Variants in TXNDC2 observed in about 807,000 individuals in gnomAD.
The protein encoded by TXNDC2 is thioredoxin domain containing 2.
A neutral mutation model predicts 0.4 loss-of-function variants in TXNDC2; 1 was observed. The ratio of observed to expected loss-of-function variants is 2.30; its 90% CI spans 0.82 to 10.89. TXNDC2 has a LOEUF of 10.89. Among genes scored for constraint, TXNDC2 ranks in the 30% most tolerant of loss-of-function variants. The pLI, the probability that TXNDC2 is intolerant of heterozygous loss-of-function variation, is 0.12. For missense variants in TXNDC2, 509 were observed against 579.8 expected (o/e 0.88, Z 1.25); for synonymous variants, 183 against 224.6 (o/e 0.81, Z 1.66).
At position 9,887,684 on chromosome 18, in the gene TXNDC2, T is replaced by C. The variant is rs553374563; in HGVS notation, c.1004T>C (p.Ile335Thr). Residue 335 changes from isoleucine to threonine, a missense_variant, in exon 2 of 2, where the codon ATT becomes ACT. This residue lies in a region of TXNDC2 where 229 missense variants were observed against 243.8 expected (regional missense o/e 0.94). Coordinates refer to ENST00000357775, the MANE Select transcript of TXNDC2 (RefSeq NM_032243.6). ...GAGGAAGCCATCCCACCCAAGGAGA[T>C]TGACATCCCCAAGTCCCCAGAAGAA... is the stretch of plus-strand genomic sequence containing the variant. ...SLEEAIPPKE[I>T]DIPKSPEETI... 71 of 1,462,248 alleles carry C rather than the reference T, an allele frequency of 4.9e-5. No individual in the cohort carries two copies. The Admixed American group carries it at 5.8e-4, about 12-fold the overall frequency. The allele number at this position is 1,462,248 out of a possible 1,614,324, so 90.6% of individuals were successfully genotyped here.
In TXNDC2 at chr18:9,887,494, C is replaced by T; in HGVS notation, c.814C>T (p.Pro272Ser). 1 of 1,526,552 alleles carries T rather than the reference C, an allele frequency of 6.6e-7. No individual in the cohort carries two copies. Among genetic ancestry groups the T allele is most frequent in the Non-Finnish European group, 8.9e-7 (1 of 1,128,110 alleles). The allele number at this position is 1,526,552 out of a possible 1,614,324, so 94.6% of individuals were successfully genotyped here. A position where few individuals can be genotyped will look rare whatever the true frequency, so the allele number is the denominator to read the frequency against. The change falls in exon 2 of 2, where the codon CCT (proline) becomes TCT (serine). Residue 272 changes from proline to serine, a missense_variant. By Grantham distance (74) the Pro-to-Ser change is moderately conservative. Coordinates refer to ENST00000357775, the MANE Select transcript of TXNDC2 (RefSeq NM_032243.6). ...IPKSLEEAIQPKEGDIPKSPE... is the reference protein window; with the variant it reads ...IPKSLEEAIQSKEGDIPKSPE... ...CAAGTCCCTAGAGGAAGCCATCCAG[C>T]CTAAGGAGGGTGACATCCCCAAGTC...
rs201169561 is a variant in TXNDC2, at chr18:9,888,687, G to A, written c.*546G>A. 1.3e-5 allele frequency: 2 copies of A among 152,708 alleles called. No homozygotes were observed. Among genetic ancestry groups the A allele is most frequent in the African/African-American group, 4.8e-5 (2 of 41,426 alleles). The allele number at this position is 152,708 out of a possible 1,614,324, so 9.5% of individuals were successfully genotyped here. Reference sequence around the variant, plus strand: ...TTCCAAGATCTGATTTGTTGGTGACGGAAATGAGATCAAGGCCGCTTCCAG... The same window carrying A: ...TTCCAAGATCTGATTTGTTGGTGACAGAAATGAGATCAAGGCCGCTTCCAG... On this transcript the variant is annotated 3_prime_UTR_variant, in exon 2 of 2. Transcript: ENST00000357775.
At position 9,886,516 on chromosome 18, in the gene TXNDC2, AT is replaced by A. The variant is rs1217570820; in HGVS notation, c.-92-70del. 2.3e-6 allele frequency: 3 copies of A among 1,287,662 alleles called. No individual in the cohort carries two copies. In the East Asian group the frequency reaches 7.6e-5, roughly 32 times the overall value. 79.8% of individuals were successfully genotyped at this position (1,287,662 alleles called of 1,614,324 possible). On this transcript the variant is annotated intron_variant, in intron 1 of 1. Coordinates refer to ENST00000357775, the MANE Select transcript of TXNDC2 (RefSeq NM_032243.6). Reference sequence around the variant, plus strand: ...CAGTCTTCCTTGGAATATGAAGAGAATTTCTTTGGTTCTTCTTTTGCATTTC... The same window carrying A: ...CAGTCTTCCTTGGAATATGAAGAGAATTCTTTGGTTCTTCTTTTGCATTTC...
At position 9,887,932 on chromosome 18, in the gene TXNDC2, A is replaced by G; in HGVS notation, c.1252A>G (p.Thr418Ala). ...FSATWCGPCR[T>A]IRPFFHALSV... ...GGCCACGTGGTGTGGGCCCTGCAGG[A>G]CCATCAGACCATTCTTCCATGCCCT... Residue 418 changes from threonine (T) to alanine (A), a missense_variant, in exon 2 of 2, where the codon ACC becomes GCC. Physicochemically the swap from Thr to Ala is moderately conservative, Grantham distance 58. Around this residue, in one of 5 missense-constraint regions of TXNDC2, gnomAD observed 229 missense variants for 243.8 expected, o/e 0.94. Transcript: ENST00000357775. The G allele has an allele frequency of 1.2e-6, 2 of 1,614,200 alleles. No homozygotes were observed. The highest frequency in any genetic ancestry group is 1.7e-6 in the Non-Finnish European group (2 of 1,180,022).
chr18:9,887,939 G>C lies in TXNDC2; in HGVS notation c.1259G>C (p.Arg420Thr), dbSNP rs17805544. 0.13 allele frequency: 202,118 copies of C among 1,614,112 alleles called. 14,869 individuals are homozygous for C. The highest frequency in any genetic ancestry group is 0.15 in the Non-Finnish European group (175,561 of 1,179,960). The part of the protein sequence containing the change: ...ATWCGPCRTI[R>T]PFFHALSVKH... ...TGGTGTGGGCCCTGCAGGACCATCA[G>C]ACCATTCTTCCATGCCCTGTCTGTG... The change falls in exon 2 of 2, where the codon AGA becomes ACA. Residue 420 changes from arginine (R) to threonine (T), a missense_variant. By Grantham distance (71) the Arg-to-Thr change is moderately conservative. Around this residue, in one of 5 missense-constraint regions of TXNDC2, gnomAD observed 229 missense variants for 243.8 expected, o/e 0.94. Coordinates refer to ENST00000357775, the MANE Select transcript of TXNDC2 (RefSeq NM_032243.6).
chr18:9,886,551 T>G (rs752983880), intron 1 of TXNDC2, 38 bp from the exon 2 acceptor site: 1 of 1,358,594 alleles, frequency 7.4e-7, no homozygotes, highest in Non-Finnish European at 1.0e-6. Flanking sequence ...TCTATTTGAT[T>G]TATTTTATTT....
intron 1 of TXNDC2, 109 bp from the exon 2 acceptor site, chr18:9,886,480 A>T: frequency 2.8e-6 from 3 of 1,067,598 alleles, no homozygotes; most frequent in Non-Finnish European, 4.0e-6. Flanking sequence ...CGTGATCTCG[A>T]AGAGTGACAT....
In TXNDC2 at chr18:9,886,692, C is replaced by G; in HGVS notation, c.12C>G (p.His4Gln). The change falls in exon 2 of 2, where the codon CAC becomes CAG. Residue 4 changes from histidine to glutamine, a missense_variant. This residue lies in a region of TXNDC2 where 187 missense variants were observed against 218.0 expected (regional missense o/e 0.86). Transcript: ENST00000357775. The part of the protein sequence containing the change: MVS[H>Q]TFHMRTEESD... ...AGGCCTTTCTCCCCATGGTCAGCCA[C>G]ACGTTCCACATGCGCACAGAGGAGT... 6.2e-7 allele frequency: 1 copy of G among 1,614,158 alleles called. No individual in the cohort carries two copies. Among genetic ancestry groups the G allele is most frequent in the Non-Finnish European group, 8.5e-7 (1 of 1,180,030 alleles).
rs968332328 is a variant in TXNDC2 at position 9,888,492 on chromosome 18, A to T, written c.*351A>T. 1.0e-5 allele frequency: 2 copies of T among 191,012 alleles called. No homozygotes were observed. Among genetic ancestry groups the T allele is most frequent in the Non-Finnish European group, 2.1e-5 (2 of 93,108 alleles). The allele number at this position is 191,012 out of a possible 1,614,324, so 11.8% of individuals were successfully genotyped here. On this transcript the variant is annotated 3_prime_UTR_variant, in exon 2 of 2. Transcript: ENST00000357775. ...GACTGAAAATTTAGATAATTTTTCT[A>T]TAGAGGTAGATGACTGAAAGGTGAA...
chr18:9,887,590 G>A lies in TXNDC2; in HGVS notation c.910G>A (p.Glu304Lys), dbSNP rs1369722109. ...KSPEEAIQPK[E>K]GDIPKSPKQA... ...CCCAGAAGAAGCCATCCAGCCCAAG[G>A]AGGGTGACATTCCCAAGTCTCCAAA... The change falls in exon 2 of 2, where the codon GAG becomes AAG. Residue 304 changes from glutamate (E) to lysine (K), a missense_variant. Glu to Lys is a moderately conservative substitution (Grantham distance 56). Coordinates refer to ENST00000357775, the MANE Select transcript of TXNDC2 (RefSeq NM_032243.6). 6.2e-7 allele frequency: 1 copy of A among 1,602,422 alleles called. No homozygotes were observed. Among genetic ancestry groups the A allele is most frequent in the Non-Finnish European group, 8.5e-7 (1 of 1,174,410 alleles).
In TXNDC2 at chr18:9,888,050, C is replaced by T; in HGVS notation, c.1370C>T (p.Thr457Ile). 1 of 1,614,116 alleles carries T rather than the reference C, an allele frequency of 6.2e-7. No individual in the cohort carries two copies. Among genetic ancestry groups the T allele is most frequent in the Non-Finnish European group, 8.5e-7 (1 of 1,180,004 alleles). The change falls in exon 2 of 2, where the codon ACC becomes ATC. Residue 457 changes from threonine to isoleucine, a missense_variant. Thr to Ile is a moderately conservative substitution (Grantham distance 89). Around this residue, in one of 5 missense-constraint regions of TXNDC2, gnomAD observed 229 missense variants for 243.8 expected, o/e 0.94. Transcript: ENST00000357775. ...VRECAIMCVP[T>I]FQFYKKEEKV... ...GAGTGCGCCATCATGTGTGTCCCAA[C>T]CTTTCAGTTTTATAAAAAAGAAGAA...
At chr18:9,886,147 A>G in intron 1 of TXNDC2, 67 bp downstream of exon 1, 1 of 1,597,196 alleles carries the variant, frequency 6.3e-7, no homozygotes, top group South Asian at 1.1e-5. Context: ...TACGGCCTTT[A>G]CTATGAGGCA....
chr18:9,888,861 G>T lies in TXNDC2; in HGVS notation c.*720G>T, dbSNP rs181395486. ...GCCCTGATGGCAGAGTTCCTGGTTC[G>T]TCTCCCTGGTAATTGAGTTCATAAT... On this transcript the variant is annotated 3_prime_UTR_variant, in exon 2 of 2. Transcript: ENST00000357775. 4 of 152,062 alleles carry T rather than the reference G, an allele frequency of 2.6e-5. No homozygotes were observed. Among genetic ancestry groups the T allele is most frequent in the Non-Finnish European group, 5.9e-5 (4 of 68,010 alleles). The allele number at this position is 152,062 out of a possible 1,614,324, so 9.4% of individuals were successfully genotyped here.
In TXNDC2 at chr18:9,888,046, C is replaced by T. The variant is rs764438800; in HGVS notation, c.1366C>T (p.Pro456Ser). Residue 456 changes from proline (P) to serine (S), a missense_variant, in exon 2 of 2, where the codon CCA becomes TCA. This residue lies in a region of TXNDC2 where 229 missense variants were observed against 243.8 expected (regional missense o/e 0.94). Transcript: ENST00000357775. ...GAGAGAGTGCGCCATCATGTGTGTC[C>T]CAACCTTTCAGTTTTATAAAAAAGA... ...VVRECAIMCV[P>S]TFQFYKKEEK... The T allele has an allele frequency of 3.1e-6, 5 of 1,614,094 alleles. No homozygotes were observed. The East Asian group carries it at 6.7e-5, about 22-fold the overall frequency.
In TXNDC2 at chr18:9,886,670, C is replaced by T. The variant is rs760594314; in HGVS notation, c.-11C>T. 2.5e-6 allele frequency: 4 copies of T among 1,614,086 alleles called. No homozygotes were observed. Among genetic ancestry groups the T allele is most frequent in the Non-Finnish European group, 3.4e-6 (4 of 1,180,008 alleles). On this transcript the variant is annotated 5_prime_UTR_variant, in exon 2 of 2. Coordinates refer to ENST00000357775, the MANE Select transcript of TXNDC2 (RefSeq NM_032243.6). ...GAAATAGCCCAGGCCAAAGAGAAGGCCTTTCTCCCCATGGTCAGCCACACG... is the reference window on the plus strand; with the variant it reads ...GAAATAGCCCAGGCCAAAGAGAAGGTCTTTCTCCCCATGGTCAGCCACACG...
intron 1 of TXNDC2, 75 bp downstream of exon 1, chr18:9,886,155 G>A (rs777017948): frequency 3.1e-5 from 49 of 1,605,098 alleles, no homozygotes; most frequent in Non-Finnish European, 4.0e-5. Context: ...TTACTATGAG[G>A]CATCTATGAA....
rs527970943 is a variant in TXNDC2 at position 9,886,774 on chromosome 18, C to T, written c.94C>T (p.Pro32Ser). 1.2e-6 allele frequency: 2 copies of T among 1,614,150 alleles called. No homozygotes were observed. The highest frequency in any genetic ancestry group is 1.7e-5 in the Admixed American group (1 of 60,024). The change falls in exon 2 of 2, where the codon CCC becomes TCC. Residue 32 changes from proline to serine, a missense_variant. Physicochemically the swap from Pro to Ser is moderately conservative, Grantham distance 74. Coordinates refer to ENST00000357775, the MANE Select transcript of TXNDC2 (RefSeq NM_032243.6). ...CAAGTCCTCAGCAAACACCAGCCAT[C>T]CCAAGCAGGATGACAGCCCCAAGTC... ...LPKSSANTSHPKQDDSPKSSE... is the reference protein window; with the variant it reads ...LPKSSANTSHSKQDDSPKSSE...
intron 1 of TXNDC2, 57 bp from the exon 2 acceptor site, chr18:9,886,531 CT>C (rs2068950294): frequency 7.2e-7 from 1 of 1,390,602 alleles, no homozygotes; most frequent in Non-Finnish European, 9.6e-7. Context: ...TTTGGTTCTT[CT>C]TTTGCATTTC....
Position 9,887,426 on chromosome 18 carries a change from A to G in TXNDC2, c.746A>G (p.Lys249Arg). The change falls in exon 2 of 2, where the codon AAG becomes AGG. Residue 249 changes from lysine (K) to arginine (R), a missense_variant. Lys to Arg is a conservative substitution (Grantham distance 26). This residue lies in a region of TXNDC2 where 65 missense variants were observed against 46.0 expected (regional missense o/e 1.41). Coordinates refer to ENST00000357775, the MANE Select transcript of TXNDC2 (RefSeq NM_032243.6). ...AIQPKEGDIP[K>R]SPEEAIQPKE... is the part of the protein sequence containing the mutation. ...CAGCCCAAGGAGGGTGACATCCCCA[A>G]GTCCCCAGAAGAAGCCATCCAGCCC... is the stretch of plus-strand genomic sequence containing the variant. The G allele has an allele frequency of 1.8e-6, 2 of 1,082,604 alleles. No homozygotes were observed. The highest frequency in any genetic ancestry group is 2.6e-6 in the Non-Finnish European group (2 of 780,444). 67.1% of individuals were successfully genotyped at this position (1,082,604 alleles called of 1,614,324 possible).
Sources: gnomAD v4.1 joint callset for allele counts on GRCh38, gnomAD v4.1.1 for gene constraint, gnomAD v4.1.1 regional missense constraint, MANE v1.5 for transcripts, NCBI Gene and HGNC (gene_info 2026-07-23, HGNC 2026-07-21) for gene names.